TSPAN5: variants seen among roughly 807,000 people sequenced by gnomAD.
TSPAN5 encodes tetraspanin 5, also known as tetraspanin-5.
TSPAN5 carries 10 observed loss-of-function variants against 37.1 expected under a neutral mutation model. The observed-to-expected ratio is 0.27, with a 90% confidence interval of 0.17 to 0.46. The LOEUF is 0.46. TSPAN5 is among the 20% of genes least tolerant of loss of function. The pLI is 1.00. For synonymous variants in TSPAN5, 110 were observed against 118.9 expected (o/e 0.93, Z 0.48); for missense variants, 195 against 326.6 (o/e 0.60, Z 3.11).
At chr4:98,581,710 C>T (rs1261823833) in intron 1 of TSPAN5, among the ~76,000 whole-genome samples, 1 of 152,132 alleles carries the variant, frequency 6.6e-6, no homozygotes, top group African/African-American at 2.4e-5. Flanking sequence ...GTAATTTCTT[C>T]CCTTTGTCTC....
At chr4:98,601,061 CT>C (rs1359958286) in intron 1 of TSPAN5, among the ~76,000 whole-genome samples, 1 of 152,162 alleles carries the variant, frequency 6.6e-6, no homozygotes, top group Non-Finnish European at 1.5e-5. Context: ...TGGAAAGGAT[CT>C]TTTTTATAAG....
chr4:98,531,158 T>C (rs1754075805), intron 1 of TSPAN5, among the ~76,000 whole-genome samples: 1 of 152,142 alleles, frequency 6.6e-6, no homozygotes, highest in Non-Finnish European at 1.5e-5. Flanking sequence ...GCCATGGTGG[T>C]TTGCTGCACC....
intron 1 of TSPAN5, among the ~76,000 whole-genome samples, chr4:98,649,213 T>G (rs1757131873): frequency 6.6e-6 from 1 of 152,082 alleles, no homozygotes; most frequent in African/African-American, 2.4e-5. Flanking sequence ...AATATCAAAC[T>G]AATAACCAAG....
chr4:98,530,721 C>T (rs1172404758), intron 1 of TSPAN5, among the ~76,000 whole-genome samples: 1 of 122,358 alleles, frequency 8.2e-6, no homozygotes, highest in Non-Finnish European at 1.7e-5. Flanking sequence ...AACATATACA[C>T]ACATATTATA....
At position 98,476,262 on chromosome 4, in the gene TSPAN5, GGCACACA is replaced by G; in HGVS notation, c.661_667del (p.Cys221ProfsTer11). ...GTCCTGCAACCACTTCTCAAACTGG[GGCACACA>G]GCCTTTCGTGTAGATTACAATCTGC... On this transcript the variant is annotated frameshift_variant, in exon 7 of 8. Transcript: ENST00000305798. LOFTEE classifies it high-confidence loss of function. 1 of 1,614,176 alleles carries G rather than the reference GGCACACA, an allele frequency of 6.2e-7. No individual in the cohort carries two copies. Among genetic ancestry groups the G allele is most frequent in the Non-Finnish European group, 8.5e-7 (1 of 1,180,038 alleles).
intron 2 of TSPAN5, among the ~76,000 whole-genome samples, chr4:98,494,080 A>G (rs968194488): frequency 6.6e-6 from 1 of 152,192 alleles, no homozygotes; most frequent in Non-Finnish European, 1.5e-5. Context: ...TTAGTGGTCC[A>G]TGTCTGAGGC....
intron 2 of TSPAN5, among the ~76,000 whole-genome samples, chr4:98,493,289 T>C (rs1011607920): frequency 3.3e-5 from 5 of 152,216 alleles, no homozygotes; most frequent in East Asian, 1.9e-4. Flanking sequence ...CTATATTCCA[T>C]AGGAAGTTCT....
chr4:98,586,279 A>G (rs973061148), intron 1 of TSPAN5, among the ~76,000 whole-genome samples: 5 of 152,180 alleles, frequency 3.3e-5, no homozygotes, highest in African/African-American at 1.2e-4. Context: ...AAAATAATAC[A>G]TGTTTCTCAC....
chr4:98,603,690 C>G (rs537586135), intron 1 of TSPAN5, among the ~76,000 whole-genome samples: 1 of 152,298 alleles, frequency 6.6e-6, no homozygotes, highest in South Asian at 2.1e-4. Context: ...TCAAGTGGAT[C>G]AGAACTGTCT....
chr4:98,537,473 A>T (rs138627838), intron 1 of TSPAN5, among the ~76,000 whole-genome samples: 7 of 152,244 alleles, frequency 4.6e-5, no homozygotes, highest in Admixed American at 4.6e-4. Context: ...TTCTATTTTT[A>T]ACTAGAATTA....
chr4:98,607,733 G>A (rs1756073857), intron 1 of TSPAN5, among the ~76,000 whole-genome samples: 1 of 145,906 alleles, frequency 6.9e-6, no homozygotes, highest in South Asian at 2.2e-4. Context: ...TTTTTGAGAT[G>A]GAGTCTCACT....
At chr4:98,572,393 T>G (rs1560542614) in intron 1 of TSPAN5, among the ~76,000 whole-genome samples, 1 of 152,212 alleles carries the variant, frequency 6.6e-6, no homozygotes, top group Non-Finnish European at 1.5e-5. Context: ...CTTTAATTAA[T>G]TCCCACTTAC....
Position 98,478,815 on chromosome 4 carries a change from A to G in TSPAN5, c.451-5T>C, listed in dbSNP as rs745379182. ...AAAAGCCCCACAGCACTGCCACTAG[A>G]GCAAACAGGAAAGAATTAGAACATC... On this transcript the variant is annotated splice_polypyrimidine_tract_variant and splice_region_variant and intron_variant, in intron 4 of 7. Transcript: ENST00000305798. 2 of 1,613,386 alleles carry G rather than the reference A, an allele frequency of 1.2e-6. No individual in the cohort carries two copies. Among genetic ancestry groups the G allele is most frequent in the Non-Finnish European group, 1.7e-6 (2 of 1,179,954 alleles).
chr4:98,598,121 G>T (rs1201424336), intron 1 of TSPAN5, among the ~76,000 whole-genome samples: 2 of 118,442 alleles, frequency 1.7e-5, no homozygotes, highest in East Asian at 4.5e-4. Context: ...TGAGCCAGGT[G>T]TGGGATATAG....
chr4:98,633,925 C>T (rs925738497), intron 1 of TSPAN5, among the ~76,000 whole-genome samples: 1 of 151,822 alleles, frequency 6.6e-6, no homozygotes, highest in African/African-American at 2.4e-5. Context: ...ACTAAAAATA[C>T]AAAATTAGCC....
intron 1 of TSPAN5, among the ~76,000 whole-genome samples, chr4:98,536,568 G>A (rs1258079284): frequency 1.3e-5 from 2 of 152,250 alleles, no homozygotes; most frequent in African/African-American, 4.8e-5. Flanking sequence ...GTCAGGCAGG[G>A]ACATTTAAGT....
chr4:98,650,476 A>C (rs954052680), intron 1 of TSPAN5, among the ~76,000 whole-genome samples: 1 of 152,222 alleles, frequency 6.6e-6, no homozygotes, highest in African/African-American at 2.4e-5. Flanking sequence ...GATTTACCAA[A>C]TAAGTAAACT....
intron 1 of TSPAN5, among the ~76,000 whole-genome samples, chr4:98,615,133 A>G (rs904004790): frequency 6.3e-4 from 95 of 150,856 alleles, no homozygotes; most frequent in African/African-American, 2.3e-3. Flanking sequence ...GCCCAGCCAC[A>G]GTTCATATCC....
intron 1 of TSPAN5, among the ~76,000 whole-genome samples, chr4:98,630,709 C>G (rs1756725829): frequency 6.6e-6 from 1 of 152,162 alleles, no homozygotes; most frequent in African/African-American, 2.4e-5. Flanking sequence ...CCACTTAGAT[C>G]ACAAAAAGTT....
Sources: allele counts gnomAD v4.1 joint callset (sites outside exome capture counted in the v4.1 genomes callset), GRCh38; gene constraint gnomAD v4.1.1; transcripts MANE v1.5; gene names NCBI Gene and HGNC (gene_info 2026-07-23, HGNC 2026-07-21).